The following DHRS9 variants were observed in gnomAD, a reference collection of about 807,000 sequenced individuals.
DHRS9 encodes dehydrogenase/reductase SDR family member 9.
Under a neutral mutation model 26.6 loss-of-function variants are expected in DHRS9, and 18 were observed. The ratio of observed to expected loss-of-function variants is 0.68; its 90% CI spans 0.47 to 1.00. The LOEUF (loss-of-function observed/expected upper bound fraction) is 1.00, where lower values mean the gene tolerates loss of function less well. Ranked by LOEUF, DHRS9 falls within the 50% of genes least tolerant of loss-of-function variation. The pLI, the probability that DHRS9 is intolerant of heterozygous loss-of-function variation, is 0.00. For missense variants in DHRS9, 425 were observed against 378.7 expected, an observed-to-expected ratio of 1.12 and a Z score of -1.01; for synonymous variants, 134 against 141.1, an observed-to-expected ratio of 0.95 and a Z score of 0.36.
intron 1 of DHRS9, among the ~76,000 whole-genome samples, chr2:169,071,734 C>T (rs1331391324): frequency 6.6e-6 from 1 of 152,150 alleles, no homozygotes; most frequent in East Asian, 1.9e-4. Flanking sequence ...AACTTACCCT[C>T]CCACGACGAT....
At chr2:169,070,768 T>TA in intron 1 of DHRS9, 1 of 985,394 alleles carries the variant, frequency 1.0e-6, no homozygotes, top group Non-Finnish European at 1.2e-6. Flanking sequence ...GGACAGTGTT[T>TA]AAAAACGCAT....
chr2:169,072,003 C>G (rs1470614750), intron 1 of DHRS9, among the ~76,000 whole-genome samples: 1 of 144,650 alleles, frequency 6.9e-6, no homozygotes, highest in Non-Finnish European at 1.5e-5. Context: ...CTAAAAGCCA[C>G]CTGGGTTTTT....
intron 1 of DHRS9, among the ~76,000 whole-genome samples, chr2:169,080,001 GAAAGAAAGAAAGAAAGAAAGAA>G (rs1684126430): frequency 1.0e-5 from 1 of 98,308 alleles, no homozygotes; most frequent in African/African-American, 4.0e-5. Flanking sequence ...AAGAAAGAAA[GAAAGAAAGAAAGAAAGAAAGAA>G]AGAAAGAAAG....
chr2:169,085,122 C>A (rs1684310534), intron 3 of DHRS9, among the ~76,000 whole-genome samples: 1 of 152,044 alleles, frequency 6.6e-6, no homozygotes, highest in Non-Finnish European at 1.5e-5. Context: ...TTCTTGACAC[C>A]TTTGTCAAAA....
chr2:169,081,045 T>C lies in DHRS9; in HGVS notation c.-59-478T>C, dbSNP rs561112485. 7.8e-6 allele frequency: 6 copies of C among 765,416 alleles called. No individual in the cohort carries two copies. In the South Asian group the frequency reaches 3.5e-4, roughly 45 times the overall value. 47.4% of individuals were successfully genotyped at this position (765,416 alleles called of 1,614,324 possible). On this transcript the variant is annotated intron_variant, in intron 1 of 4. Transcript: ENST00000674881. ...GCAACAAAAAATGCTCTTCTTCTCC[T>C]GACAGTTTGAAGATAATTGGGAGTC...
At chr2:169,088,174 T>C (rs956854939) in intron 3 of DHRS9, among the ~76,000 whole-genome samples, 4 of 152,214 alleles carry the variant, frequency 2.6e-5, no homozygotes, top group South Asian at 2.1e-4. Flanking sequence ...GCTACTGAAA[T>C]GGGCAATTCC....
At chr2:169,083,292 G>A (rs752486232) in intron 2 of DHRS9, 37 bp from the exon 3 acceptor site, 2 of 1,606,538 alleles carry the variant, frequency 1.2e-6, no homozygotes, top group Admixed American at 1.7e-5. Flanking sequence ...AATAAGTACT[G>A]TCTTACCACA....
chr2:169,071,093 T>G (rs1683792530), intron 1 of DHRS9, among the ~76,000 whole-genome samples: 1 of 151,692 alleles, frequency 6.6e-6, no homozygotes, highest in Admixed American at 6.6e-5. Flanking sequence ...AACAAAAAAC[T>G]CAGACCTTTT....
At chr2:169,075,630 A>G (rs1219010856) in intron 1 of DHRS9, among the ~76,000 whole-genome samples, 1 of 152,298 alleles carries the variant, frequency 6.6e-6, no homozygotes, top group East Asian at 1.9e-4. Context: ...CCAGGATCAC[A>G]TATTGCATTT....
intron 3 of DHRS9, among the ~76,000 whole-genome samples, chr2:169,088,597 T>C (rs1427817737): frequency 2.0e-5 from 3 of 152,206 alleles, no homozygotes; most frequent in Admixed American, 2.0e-4. Flanking sequence ...CTCTACCCTA[T>C]TTAGTACTTT....
intron 1 of DHRS9, among the ~76,000 whole-genome samples, chr2:169,073,752 C>A (rs1365016178): frequency 2.0e-5 from 3 of 152,012 alleles, no homozygotes; most frequent in Non-Finnish European, 4.4e-5. Context: ...TTATAAGTAA[C>A]CCAACTTTTC....
At chr2:169,070,363 A>G (rs936482564) in intron 1 of DHRS9, 2 of 985,304 alleles carry the variant, frequency 2.0e-6, no homozygotes, top group Non-Finnish European at 2.4e-6. Flanking sequence ...AAATGATGAT[A>G]TGGCTCCTTT....
chr2:169,080,001 GAA>G (rs1684126343), intron 1 of DHRS9, among the ~76,000 whole-genome samples: 1 of 98,308 alleles, frequency 1.0e-5, no homozygotes, highest in Non-Finnish European at 2.1e-5. Context: ...AAGAAAGAAA[GAA>G]AGAAAGAAAG....
chr2:169,078,700 C>G (rs184780473), intron 1 of DHRS9, among the ~76,000 whole-genome samples: 1 of 151,950 alleles, frequency 6.6e-6, no homozygotes, highest in Non-Finnish European at 1.5e-5. Context: ...AATTATTAAG[C>G]CATGGTAATC....
intron 1 of DHRS9, chr2:169,070,787 G>A (rs1300614711): frequency 3.0e-6 from 3 of 984,720 alleles, no homozygotes; most frequent in East Asian, 1.1e-4. Flanking sequence ...ATACCTGGCC[G>A]GGCGCGGTGG....
chr2:169,078,705 G>GTAA (rs1558950831), intron 1 of DHRS9, among the ~76,000 whole-genome samples: 1 of 151,530 alleles, frequency 6.6e-6, no homozygotes, highest in African/African-American at 2.4e-5. Flanking sequence ...TTAAGCCATG[G>GTAA]TAATCTAAAA....
intron 1 of DHRS9, among the ~76,000 whole-genome samples, chr2:169,075,091 A>G (rs1361830720): frequency 6.6e-6 from 1 of 152,204 alleles, no homozygotes; most frequent in African/African-American, 2.4e-5. Context: ...AGCATAGATG[A>G]CAGGCAATGT....
rs1684688466 is a variant in DHRS9, at chr2:169,096,042, A to T, written c.*275A>T. 4 of 452,714 alleles carry T rather than the reference A, an allele frequency of 8.8e-6. No individual in the cohort carries two copies. The East Asian group carries it at 1.6e-4, about 18-fold the overall frequency. The allele number at this position is 452,714 out of a possible 1,614,324, so 28.0% of individuals were successfully genotyped here. A position where few individuals can be genotyped will look rare whatever the true frequency, so the allele number is the denominator to read the frequency against. ...TTGGTGTGATGTAAGGGAAATTGAA[A>T]GACTTGCCCATTCAAAATGATCTTT... On this transcript the variant is annotated 3_prime_UTR_variant, in exon 5 of 5. Coordinates refer to ENST00000674881, the MANE Select transcript of DHRS9 (RefSeq NM_001376924.1).
intron 2 of DHRS9, among the ~76,000 whole-genome samples, chr2:169,082,938 G>A (rs936290080): frequency 5.9e-5 from 9 of 152,034 alleles, no homozygotes; most frequent in Middle Eastern, 3.4e-3. Flanking sequence ...GTTAAATGAC[G>A]TGTTAATGGG....
Sources: gnomAD v4.1 joint callset for allele counts (sites outside exome capture counted in the v4.1 genomes callset) on GRCh38, gnomAD v4.1.1 for gene constraint, MANE v1.5 for transcripts, NCBI Gene and HGNC (gene_info 2026-07-23, HGNC 2026-07-21) for gene names.